WDPCP: variants seen among roughly 807,000 people sequenced by gnomAD.
The protein encoded by WDPCP is WD repeat-containing and planar cell polarity effector protein fritz homolog.
WDPCP carries 71 observed loss-of-function variants against 93.1 expected under a neutral mutation model. The observed-to-expected ratio is 0.76, with a 90% CI of 0.63 to 0.93. WDPCP has a LOEUF of 0.93. WDPCP is among the 40% of genes least tolerant of loss of function. WDPCP has a pLI of 0.00. For synonymous variants in WDPCP, 315 were observed against 315.0 expected, an observed-to-expected ratio of 1.00 and a Z score of 0.00; for missense variants, 844 against 887.4, an observed-to-expected ratio of 0.95 and a Z score of 0.62.
chr2:63,247,509 C>A (rs932242833), intron 14 of WDPCP, among the ~76,000 whole-genome samples: 1 of 152,040 alleles, frequency 6.6e-6, no homozygotes, highest in African/African-American at 2.4e-5. Flanking sequence ...ACAGTGACAC[C>A]TTTACATTCC....
chr2:63,789,522 TC>T, intron 2 of WDPCP, among the ~76,000 whole-genome samples: 1 of 152,130 alleles, frequency 6.6e-6, no homozygotes, highest in Admixed American at 6.5e-5. Context: ...ATATCCAGCC[TC>T]CAGACTGGAC....
At chr2:63,202,848 T>C (rs1676021479) in intron 14 of WDPCP, among the ~76,000 whole-genome samples, 1 of 152,176 alleles carries the variant, frequency 6.6e-6, no homozygotes, top group African/African-American at 2.4e-5. Context: ...TCCTCCTCCT[T>C]CCTTCCCTTG....
intron 6 of WDPCP, among the ~76,000 whole-genome samples, chr2:63,451,591 T>G (rs549594417): frequency 1.3e-5 from 2 of 152,338 alleles, no homozygotes; most frequent in Non-Finnish European, 1.5e-5. Flanking sequence ...CTAACTCATT[T>G]TAAGAGGCCA....
At chr2:63,318,589 AAAAG>A (rs1386259855) in intron 12 of WDPCP, among the ~76,000 whole-genome samples, 3 of 152,306 alleles carry the variant, frequency 2.0e-5, no homozygotes, top group East Asian at 3.9e-4. Flanking sequence ...GCAGTCATAT[AAAAG>A]AAAGAGATTG....
chr2:63,654,830 A>AT (rs1304998088), intron 2 of WDPCP, among the ~76,000 whole-genome samples: 6 of 62,968 alleles, frequency 9.5e-5, no homozygotes, highest in African/African-American at 2.6e-4. Context: ...AATTTTGTAT[A>AT]TTTTTATTTT....
chr2:63,201,622 T>A (rs575294832), intron 14 of WDPCP, among the ~76,000 whole-genome samples: 1 of 152,318 alleles, frequency 6.6e-6, no homozygotes, highest in South Asian at 2.1e-4. Context: ...ATCTGATTTT[T>A]ACAGGTTAGG....
intron 2 of WDPCP, among the ~76,000 whole-genome samples, chr2:63,695,041 G>A (rs1392575452): frequency 2.6e-5 from 4 of 152,136 alleles, no homozygotes; most frequent in African/African-American, 7.2e-5. Context: ...GACCAACAGA[G>A]TTGTGAATTC....
intron 2 of WDPCP, among the ~76,000 whole-genome samples, chr2:63,802,281 TAAAAAAA>T (rs58717654): frequency 4.2e-4 from 23 of 54,394 alleles, no homozygotes; most frequent in East Asian, 6.1e-4. Flanking sequence ...CCCTCTCTCT[TAAAAAAA>T]AAAAAAAAAA....
intron 6 of WDPCP, among the ~76,000 whole-genome samples, chr2:63,447,741 T>G (rs1384645042): frequency 6.6e-6 from 1 of 152,034 alleles, no homozygotes; most frequent in Non-Finnish European, 1.5e-5. Flanking sequence ...AATAGGGAGG[T>G]AGATATAGAT....
In WDPCP at chr2:63,433,867, G is replaced by A. The variant is rs770819356; in HGVS notation, c.703C>T (p.His235Tyr). 3.7e-6 allele frequency: 6 copies of A among 1,614,006 alleles called. No individual in the cohort carries two copies. Among genetic ancestry groups the A allele is most frequent in the Non-Finnish European group, 8.5e-7 (1 of 1,179,934 alleles). Reference protein sequence around the residue: ...TERHLAINCVHDRVVCWWPLV... With the variant: ...TERHLAINCVYDRVVCWWPLV... ...GGCCACCAGCAAACAACTCTATCAT[G>A]AACACAGTTGATAGCTAGATGTCGC... is the stretch of plus-strand genomic sequence containing the variant. The change falls in exon 9 of 18, where the codon CAT becomes TAT. Residue 235 changes from histidine (H) to tyrosine (Y), a missense_variant. By Grantham distance (83) the His-to-Tyr change is moderately conservative (BLOSUM62 2). Coordinates refer to ENST00000272321, the MANE Select transcript of WDPCP (RefSeq NM_015910.7).
At chr2:63,759,537 T>C (rs1465737600) in intron 2 of WDPCP, among the ~76,000 whole-genome samples, 1 of 152,216 alleles carries the variant, frequency 6.6e-6, no homozygotes, top group Non-Finnish European at 1.5e-5. Context: ...AATATATAAA[T>C]CTTTTTCCTT....
chr2:63,483,099 G>C (rs769254194), intron 6 of WDPCP, among the ~76,000 whole-genome samples: 7 of 151,806 alleles, frequency 4.6e-5, no homozygotes, highest in Non-Finnish European at 1.0e-4. Context: ...TGTCTTTTGG[G>C]ATGCTCCACT....
intron 14 of WDPCP, among the ~76,000 whole-genome samples, chr2:63,234,262 G>C (rs1422718378): frequency 6.6e-6 from 1 of 151,638 alleles, no homozygotes; most frequent in African/African-American, 2.4e-5. Context: ...AACAACACCT[G>C]TTACCATCTA....
At chr2:63,589,738 G>A (rs1361763835), upstream of WDPCP, among the ~76,000 whole-genome samples, 1 of 152,132 alleles carries the variant, frequency 6.6e-6, no homozygotes, top group East Asian at 1.9e-4. Context: ...TGTCATGGAA[G>A]ACCTGGGTAA....
Position 63,702,117 on chromosome 2 carries a change from C to T in WDPCP, n.309-51279G>A, listed in dbSNP as rs566215840. Among the ~76,000 whole-genome samples the T allele has an allele frequency of 2.6e-5, 4 of 152,254 alleles. No individual in the cohort carries two copies. The South Asian group carries it at 8.3e-4, about 32-fold the overall frequency. Reference sequence around the variant, plus strand: ...CTCTGCTCCCTGCAACCTCCGCCTCCTAGGTTCAAGCGATTCTCCTGCCTC... The same window carrying T: ...CTCTGCTCCCTGCAACCTCCGCCTCTTAGGTTCAAGCGATTCTCCTGCCTC... On this transcript the variant is annotated intron_variant and non_coding_transcript_variant, in intron 2 of 4. Transcript: ENST00000467687.
At chr2:63,564,073 A>G (rs1228894989) in intron 1 of WDPCP, 2 of 152,222 alleles carry the variant, frequency 1.3e-5, no homozygotes, top group Non-Finnish European at 2.9e-5. Flanking sequence ...CCCACCAAAC[A>G]TTAACTTTTG....
intron 10 of WDPCP, among the ~76,000 whole-genome samples, chr2:63,391,261 C>G (rs1693220212): frequency 6.6e-6 from 1 of 152,132 alleles, no homozygotes; most frequent in Non-Finnish European, 1.5e-5. Context: ...AAACGTAATC[C>G]ATCACATAAA....
chr2:63,693,091 G>A (rs1307624111), intron 2 of WDPCP, among the ~76,000 whole-genome samples: 1 of 152,148 alleles, frequency 6.6e-6, no homozygotes, highest in Non-Finnish European at 1.5e-5. Flanking sequence ...GTGACAAGTG[G>A]CAAATGCAAA....
chr2:63,187,881 T>C (rs772375833), intron 14 of WDPCP, among the ~76,000 whole-genome samples: 20 of 152,262 alleles, frequency 1.3e-4, no homozygotes, highest in Non-Finnish European at 2.6e-4. Context: ...TTAGTATTTA[T>C]TGTCTAGTAA....
Sources: allele counts gnomAD v4.1 joint callset (sites outside exome capture counted in the v4.1 genomes callset), GRCh38; gene constraint gnomAD v4.1.1; transcripts MANE v1.5; gene names NCBI Gene and HGNC (gene_info 2026-07-23, HGNC 2026-07-21).